Variants in HMG20B observed in about 807,000 individuals in gnomAD.
HMG20B encodes the protein high mobility group 20B, also known as SWI/SNF-related matrix-associated actin-dependent regulator of chromatin subfamily E member 1-related.
In HMG20B, 24 loss-of-function variants were observed where a neutral mutation model predicts 41.6. That is an observed-to-expected ratio of 0.58 (90% CI 0.42 to 0.81). The LOEUF (loss-of-function observed/expected upper bound fraction) is 0.81. Ranked by LOEUF, HMG20B falls within the 30% of genes least tolerant of loss-of-function variation. The pLI, the probability that HMG20B is intolerant of heterozygous loss-of-function variation, is 0.00. For synonymous variants in HMG20B, 251 were observed against 186.6 expected (o/e 1.34, Z -2.81); for missense variants, 461 against 444.0 (o/e 1.04, Z -0.34).
At chr19:3,577,318 C>A (rs913625322) in intron 8 of HMG20B, among the ~76,000 whole-genome samples, 1 of 148,354 alleles carries the variant, frequency 6.7e-6, no homozygotes, top group Non-Finnish European at 1.5e-5. Flanking sequence ...CCCATAGCTC[C>A]GTCTGGTTCT....
In HMG20B at chr19:3,576,268, G is replaced by C; in HGVS notation, c.480G>C (p.Ser160=). 2 of 1,613,824 alleles carry C rather than the reference G, an allele frequency of 1.2e-6. No individual in the cohort carries two copies. The highest frequency in any genetic ancestry group is 8.5e-7 in the Non-Finnish European group (1 of 1,179,856). ...IQEKKIKKED[S]SSGLMNTLLN... ...CTTCCCCTCCCCCGCCAGAAGACTC[G>C]AGCTCTGGGCTCATGAACACTCTCC... Residue 160 remains serine (S), a synonymous_variant, in exon 6 of 10, where the codon TCG becomes TCC. Coordinates refer to ENST00000333651, the MANE Select transcript of HMG20B (RefSeq NM_006339.3).
intron 3 of HMG20B, 169 bp from the exon 4 acceptor site, chr19:3,574,214 C>G (rs993518746): frequency 7.7e-6 from 5 of 650,926 alleles, no homozygotes; most frequent in African/African-American, 5.4e-5. Flanking sequence ...CTCTAACCCA[C>G]CGTGTCCCGA....
At chr19:3,574,294 C>T in intron 3 of HMG20B, 89 bp from the exon 4 acceptor site, 2 of 1,031,448 alleles carry the variant, frequency 1.9e-6, no homozygotes, top group Non-Finnish European at 1.4e-6. Context: ...CCCATCCCCG[C>T]CCATACGCGT....
Position 3,576,561 on chromosome 19 carries a change from C to G in HMG20B, c.528C>G (p.Asp176Glu). 1 of 1,613,182 alleles carries G rather than the reference C, an allele frequency of 6.2e-7. No individual in the cohort carries two copies. The highest frequency in any genetic ancestry group is 8.5e-7 in the Non-Finnish European group (1 of 1,179,484). Reference sequence around the variant, plus strand: ...TTGTCCCTTCGTCTTAGGGTGGGGACTGCGATGGCTTCTCCACCTTCGATG... The same window carrying G: ...TTGTCCCTTCGTCTTAGGGTGGGGAGTGCGATGGCTTCTCCACCTTCGATG... ...NTLLNGHKGGDCDGFSTFDVP... is the reference protein window; with the variant it reads ...NTLLNGHKGGECDGFSTFDVP... The change falls in exon 7 of 10, where the codon GAC becomes GAG. Residue 176 changes from aspartate (D) to glutamate (E), a missense_variant. By Grantham distance (45) the Asp-to-Glu change is conservative. Transcript: ENST00000333651.
chr19:3,574,094 A>G, intron 3 of HMG20B: 1 of 633,358 alleles, frequency 1.6e-6, no homozygotes, highest in South Asian at 1.7e-5. Flanking sequence ...TCCAGCAGAA[A>G]ACCACGCCCA....
Position 3,574,548 on chromosome 19 carries a change from G to C in HMG20B, c.313G>C (p.Gly105Arg), listed in dbSNP as rs1401358864. The C allele has an allele frequency of 6.2e-7, 1 of 1,604,208 alleles. No individual in the cohort carries two copies. The highest frequency in any genetic ancestry group is 8.5e-7 in the Non-Finnish European group (1 of 1,177,018). Reference sequence around the variant, plus strand: ...CTTTCCCGAGATCACCAAGATGCTGGGCGCCGAGTGGAGCAAGCTGCAGCC... The same window carrying C: ...CTTTCCCGAGATCACCAAGATGCTGCGCGCCGAGTGGAGCAAGCTGCAGCC... Reference protein sequence around the residue: ...LPFPEITKMLGAEWSKLQPTE... With the variant: ...LPFPEITKMLRAEWSKLQPTE... The change falls in exon 4 of 10, where the codon GGC becomes CGC. Residue 105 changes from glycine to arginine, a missense_variant. Coordinates refer to ENST00000333651, the MANE Select transcript of HMG20B (RefSeq NM_006339.3).
At chr19:3,576,665 C>T in intron 7 of HMG20B, 40 bp downstream of exon 7, 4 of 1,572,584 alleles carry the variant, frequency 2.5e-6, no homozygotes, top group Non-Finnish European at 2.6e-6. Context: ...CTCCGTGAAA[C>T]TGGGTGGTAG....
chr19:3,575,082 C>A (rs2032129136), intron 4 of HMG20B, among the ~76,000 whole-genome samples: 1 of 152,144 alleles, frequency 6.6e-6, no homozygotes, highest in Non-Finnish European at 1.5e-5. Context: ...GGATGACCAA[C>A]AAAGATATGT....
intron 4 of HMG20B, among the ~76,000 whole-genome samples, chr19:3,575,278 T>C (rs1313701147): frequency 6.6e-6 from 1 of 151,144 alleles, no homozygotes; most frequent in East Asian, 1.9e-4. Flanking sequence ...ACGCTGGAGG[T>C]TGGGTTCCTG....
rs776295378 is a variant in HMG20B, at chr19:3,576,965, G to A, written c.666G>A (p.Arg222=). 11 of 1,579,954 alleles carry A rather than the reference G, an allele frequency of 7.0e-6. No individual in the cohort carries two copies. Among genetic ancestry groups the A allele is most frequent in the Middle Eastern group, 1.8e-4 (1 of 5,490 alleles). ...AFEEQNAVLQ[R]HTQSMSSARE... Reference sequence around the variant, plus strand: ...AGGAGCAGAACGCGGTACTGCAGAGGCACACGCAGAGCATGAGCAGCGCGC... The same window carrying A: ...AGGAGCAGAACGCGGTACTGCAGAGACACACGCAGAGCATGAGCAGCGCGC... Residue 222 remains arginine, a synonymous_variant, in exon 8 of 10, where the codon AGG becomes AGA. Transcript: ENST00000333651.
Position 3,574,460 on chromosome 19 carries a change from G to C in HMG20B, c.225G>C (p.Thr75=), listed in dbSNP as rs766740501. ...ILPNGPKAPV[T]GYVRFLNERR... ...CGAATGGGCCCAAGGCACCGGTCAC[G>C]GGCTACGTGCGCTTCCTGAACGAGC... Residue 75 remains threonine, a synonymous_variant, in exon 4 of 10, where the codon ACG becomes ACC. Coordinates refer to ENST00000333651, the MANE Select transcript of HMG20B (RefSeq NM_006339.3). 1.2e-6 allele frequency: 2 copies of C among 1,609,086 alleles called. No individual in the cohort carries two copies. The highest frequency in any genetic ancestry group is 1.1e-5 in the South Asian group (1 of 90,404).
At position 3,579,012 on chromosome 19, in the gene HMG20B, T is replaced by C; in HGVS notation, c.*491T>C. ...CTGCTCTCCTCCAGCCGAGGGACCC[T>C]GGTGGGGGTGGCTCCTTCTCACTGC... On this transcript the variant is annotated 3_prime_UTR_variant, in exon 10 of 10. Transcript: ENST00000333651. The surrounding 1 kb of genome is among the most constrained non-coding windows in gnomAD (Gnocchi z 7.4). The C allele has an allele frequency of 5.7e-6, 2 of 350,006 alleles. No homozygotes were observed. Among genetic ancestry groups the C allele is most frequent in the South Asian group, 4.3e-5 (2 of 46,180 alleles). 21.7% of individuals were successfully genotyped at this position (350,006 alleles called of 1,614,324 possible).
chr19:3,576,433 T>G, intron 6 of HMG20B, 120 bp from the exon 7 acceptor site: 1 of 1,325,962 alleles, frequency 7.5e-7, no homozygotes, highest in South Asian at 1.2e-5. Context: ...CACCGTGGGA[T>G]CGCTGTTGAT....
Position 3,574,381 on chromosome 19 carries a change from A to C in HMG20B, c.148-2A>C. ...TCCCAACGACGCAGCCCGGTTCTGC[A>C]GCCGGTGAAGAAACGCGGCTGGCCC... is the stretch of plus-strand genomic sequence containing the variant. On this transcript the variant is annotated splice_acceptor_variant, in intron 3 of 9. Transcript: ENST00000333651. LOFTEE classifies it high-confidence loss of function. 6.3e-7 allele frequency: 1 copy of C among 1,576,878 alleles called. No individual in the cohort carries two copies. Among genetic ancestry groups the C allele is most frequent in the African/African-American group, 1.4e-5 (1 of 73,668 alleles).
chr19:3,574,720 T>C, intron 4 of HMG20B, 134 bp downstream of exon 4: 1 of 714,528 alleles, frequency 1.4e-6, no homozygotes, highest in African/African-American at 1.8e-5. Context: ...ACCAACTTTT[T>C]TTTTTTTTTT....
In HMG20B at chr19:3,577,088, C is replaced by T; in HGVS notation, c.789C>T (p.Phe263=). Residue 263 remains phenylalanine (F), a synonymous_variant, in exon 8 of 10, where the codon TTC becomes TTT. Transcript: ENST00000333651. ...QAVRQALTAS[F]ASLPVPGTGE... is the part of the protein sequence containing the mutation. ...TGCGCCAGGCGCTCACCGCCAGCTT[C>T]GCCTCACTGCCGGTGCCGGGTGCGG... The T allele has an allele frequency of 1.3e-6, 2 of 1,537,262 alleles. No individual in the cohort carries two copies. The highest frequency in any genetic ancestry group is 1.7e-6 in the Non-Finnish European group (2 of 1,144,346).
intron 6 of HMG20B, 79 bp from the exon 7 acceptor site, chr19:3,576,474 C>T (rs992998800): frequency 9.1e-6 from 13 of 1,431,898 alleles, no homozygotes; most frequent in East Asian, 6.9e-5. Context: ...CCAGGAGACC[C>T]TCCTAGGCTT....
Position 3,575,653 on chromosome 19 carries a change from C to T in HMG20B, c.465C>T (p.Ile155=). 6.4e-7 allele frequency: 1 copy of T among 1,550,632 alleles called. No homozygotes were observed. The highest frequency in any genetic ancestry group is 8.7e-7 in the Non-Finnish European group (1 of 1,146,836). The change falls in exon 5 of 10, where the codon ATC becomes ATT. Residue 155 remains isoleucine (I), a synonymous_variant. Coordinates refer to ENST00000333651, the MANE Select transcript of HMG20B (RefSeq NM_006339.3). ...MCTEKIQEKK[I]KKEDSSSGLM... ...CGGAGAAGATCCAGGAGAAGAAGAT[C>T]AAGAAAGGTGGGAGGGGTCGGGCGC...
intron 8 of HMG20B, 56 bp from the exon 9 acceptor site, chr19:3,577,925 G>A: frequency 2.7e-6 from 4 of 1,490,850 alleles, no homozygotes; most frequent in Non-Finnish European, 2.7e-6. Flanking sequence ...TGCCCCTGGA[G>A]CCCCCGCCCC....
Sources: gnomAD v4.1 joint callset for allele counts (sites outside exome capture counted in the v4.1 genomes callset) on GRCh38, gnomAD v4.1.1 for gene constraint, Gnocchi (gnomAD v3.1) non-coding constraint, MANE v1.5 for transcripts, NCBI Gene and HGNC (gene_info 2026-07-23, HGNC 2026-07-21) for gene names.